Variants in ATG13 observed in about 807,000 individuals in gnomAD.
ATG13 encodes autophagy-related protein 13.
ATG13 carries 23 observed loss-of-function variants against 65.5 expected under a neutral mutation model. That is an observed-to-expected ratio of 0.35 (90% CI 0.25 to 0.50). ATG13 has a LOEUF of 0.50. ATG13 is among the 20% of genes least tolerant of loss of function. ATG13 has a pLI of 0.98. For missense variants in ATG13, 566 were observed against 677.0 expected (o/e 0.84, Z 1.82); for synonymous variants, 252 against 245.2 (o/e 1.03, Z -0.26).
chr11:46,667,267 G>A (rs964783054), intron 14 of ATG13, among the ~76,000 whole-genome samples: 1 of 152,178 alleles, frequency 6.6e-6, no homozygotes, highest in African/African-American at 2.4e-5. Context: ...GGCTGTGACT[G>A]CTGGTTTGGC....
chr11:46,647,686 C>G (rs931492430), intron 5 of ATG13, among the ~76,000 whole-genome samples: 4 of 151,802 alleles, frequency 2.6e-5, no homozygotes, highest in Non-Finnish European at 5.9e-5. Flanking sequence ...ATCCTCCCAC[C>G]TCAGCCTTTC....
chr11:46,668,883 C>G lies in ATG13; in HGVS notation c.1419C>G (p.Thr473=). ...CCAGCGGGGGCAGCAGTGGCAATAC[C>G]CATGATGACTTTGTTATGATAGACT... ...DGSSGGSSGN[T]HDDFVMIDFK... The change falls in exon 17 of 19, where the codon ACC becomes ACG. Residue 473 remains threonine, a synonymous_variant. Transcript: ENST00000683050. The G allele has an allele frequency of 6.2e-7, 1 of 1,613,820 alleles. No individual in the cohort carries two copies.
Position 46,656,261 on chromosome 11 carries a change from G to T in ATG13, c.487G>T (p.Gly163Cys). The change falls in exon 8 of 19, where the codon GGC becomes TGC. Residue 163 changes from glycine (G) to cysteine (C), a missense_variant. By Grantham distance (159) the Gly-to-Cys change is radical (BLOSUM62 -3). This residue lies in a region of ATG13 where 179 missense variants were observed against 267.2 expected (regional missense o/e 0.67). Coordinates refer to ENST00000683050, the MANE Select transcript of ATG13 (RefSeq NM_001346311.2). Reference protein sequence around the residue: ...RIYFGEVQLSGLGEGFQTVRV... With the variant: ...RIYFGEVQLSCLGEGFQTVRV... ...ATATTTTGGAGAAGTTCAGCTGAGT[G>T]GCTTAGGAGAAGGTATGTATCAACG... 1 of 1,612,868 alleles carries T rather than the reference G, an allele frequency of 6.2e-7. No individual in the cohort carries two copies. The highest frequency in any genetic ancestry group is 8.5e-7 in the Non-Finnish European group (1 of 1,178,924).
rs377219841 is a variant in ATG13 at position 46,645,381 on chromosome 11, T to G, written c.112T>G (p.Cys38Gly). The G allele has an allele frequency of 6.2e-6, 10 of 1,613,862 alleles. No individual in the cohort carries two copies. The highest frequency in any genetic ancestry group is 8.5e-6 in the Non-Finnish European group (10 of 1,179,976). ...CCAGGCTCGGCTTGGTGAAAAGATT[T>G]GCACTCGTTCATCATCTTCTCCAAC... ...IVQARLGEKICTRSSSSPTGS... is the reference protein window; with the variant it reads ...IVQARLGEKIGTRSSSSPTGS... The change falls in exon 4 of 19, where the codon TGC (cysteine) becomes GGC (glycine). Residue 38 changes from cysteine to glycine, a missense_variant. Physicochemically the swap from Cys to Gly is radical, Grantham distance 159. Coordinates refer to ENST00000683050, the MANE Select transcript of ATG13 (RefSeq NM_001346311.2).
At chr11:46,643,123 AC>A (rs2056573729) in intron 2 of ATG13, among the ~76,000 whole-genome samples, 1 of 151,912 alleles carries the variant, frequency 6.6e-6, no homozygotes, top group African/African-American at 2.4e-5. Context: ...GATACAGCTG[AC>A]CCCTGATTGG....
rs560595779 is a variant in ATG13, at chr11:46,661,895, G to A, written c.790-2102G>A. Among the ~76,000 whole-genome samples the A allele has an allele frequency of 5.3e-5, 8 of 152,310 alleles. No individual in the cohort carries two copies. In the South Asian group the frequency reaches 1.4e-3, roughly 28 times the overall value. On this transcript the variant is annotated intron_variant, in intron 11 of 18. Coordinates refer to ENST00000683050, the MANE Select transcript of ATG13 (RefSeq NM_001346311.2). ...TTCAAAAGCAGGAGTTAATGTCTGT[G>A]ATTGATGTTGTAGAATCCATGGATC...
chr11:46,671,113 C>T (rs562761469), intron 18 of ATG13, among the ~76,000 whole-genome samples: 34 of 152,298 alleles, frequency 2.2e-4, no homozygotes, highest in Non-Finnish European at 4.4e-4. Flanking sequence ...ATGCCACAGC[C>T]GTAGCCAGTT....
intron 2 of ATG13, among the ~76,000 whole-genome samples, chr11:46,634,254 C>T (rs1035306296): frequency 6.6e-6 from 1 of 152,030 alleles, no homozygotes; most frequent in African/African-American, 2.4e-5. Flanking sequence ...CACCGCCACA[C>T]CCAGCTAACG....
intron 12 of ATG13, among the ~76,000 whole-genome samples, chr11:46,664,618 G>C (rs1051668462): frequency 1.3e-5 from 2 of 152,166 alleles, no homozygotes; most frequent in African/African-American, 4.8e-5. Context: ...AGGCCTTTGG[G>C]AAGCTCCACA....
chr11:46,667,708 T>A, intron 14 of ATG13, 65 bp from the exon 15 acceptor site: 1 of 1,295,766 alleles, frequency 7.7e-7, no homozygotes, highest in Non-Finnish European at 1.1e-6. Flanking sequence ...ATGGTGTATT[T>A]ATAGTGAACT....
intron 2 of ATG13, 73 bp from the exon 3 acceptor site, chr11:46,644,206 A>G: frequency 1.7e-6 from 2 of 1,162,720 alleles, no homozygotes; most frequent in South Asian, 3.2e-5. Context: ...AGACAATACC[A>G]TCTCTGTATG....
chr11:46,663,665 C>A (rs1429912496), intron 11 of ATG13, among the ~76,000 whole-genome samples: 1 of 152,174 alleles, frequency 6.6e-6, no homozygotes, highest in Non-Finnish European at 1.5e-5. Context: ...GACTTCCTGT[C>A]TTTTTTGAGT....
At chr11:46,634,586 G>A (rs954307048) in intron 2 of ATG13, among the ~76,000 whole-genome samples, 1 of 151,782 alleles carries the variant, frequency 6.6e-6, no homozygotes, top group African/African-American at 2.4e-5. Context: ...GTAGAGACAG[G>A]GTTTTACCAT....
chr11:46,633,486 T>A (rs945076989), intron 2 of ATG13, among the ~76,000 whole-genome samples: 1 of 151,966 alleles, frequency 6.6e-6, no homozygotes, highest in African/African-American at 2.4e-5. Context: ...TAGCTGGGAT[T>A]ACAGGCGCCC....
Position 46,644,424 on chromosome 11 carries a change from C to T in ATG13, c.69+64C>T, listed in dbSNP as rs376775323. 1.4e-4 allele frequency: 197 copies of T among 1,366,656 alleles called. No homozygotes were observed. In the African/African-American group the frequency reaches 1.9e-3, roughly 14 times the overall value. The allele number at this position is 1,366,656 out of a possible 1,614,324, so 84.7% of individuals were successfully genotyped here. On this transcript the variant is annotated intron_variant, in intron 3 of 18. Transcript: ENST00000683050. ...ATAACTTCCGTGCTTCTCCCTTTTG[C>T]GAACAACTCTCTTTGGAAAGTAGCA... is the stretch of plus-strand genomic sequence containing the variant.
chr11:46,661,983 G>A (rs2061319523), intron 11 of ATG13, among the ~76,000 whole-genome samples: 2 of 152,196 alleles, frequency 1.3e-5, no homozygotes, highest in South Asian at 4.1e-4. Flanking sequence ...AAAGTTGCCA[G>A]AACAGTTTAG....
intron 2 of ATG13, among the ~76,000 whole-genome samples, chr11:46,641,378 AT>A (rs1326380146): frequency 6.6e-6 from 1 of 152,164 alleles, no homozygotes. Flanking sequence ...CCTAGAATTT[AT>A]TTTTAATATT....
intron 2 of ATG13, among the ~76,000 whole-genome samples, chr11:46,637,054 AT>A (rs2054229042): frequency 6.6e-6 from 1 of 152,156 alleles, no homozygotes; most frequent in African/African-American, 2.4e-5. Context: ...CAAACTGCAG[AT>A]TAAGGATCAG....
rs907523247 is a variant in ATG13, at chr11:46,672,856, C to G, written c.*524C>G. The stretch of plus-strand genomic sequence containing the variant: ...CCCCTTTACTTCCTGCTATCTTCTT[C>G]TCCTCTTCTTCTCTCTCTTGCCTCT... On this transcript the variant is annotated 3_prime_UTR_variant, in exon 19 of 19. Transcript: ENST00000683050. The G allele has an allele frequency of 4.3e-6, 5 of 1,166,268 alleles. No homozygotes were observed. Among genetic ancestry groups the G allele is most frequent in the Non-Finnish European group, 5.5e-6 (5 of 906,076 alleles). 72.2% of individuals were successfully genotyped at this position (1,166,268 alleles called of 1,614,324 possible). A position where few individuals can be genotyped will look rare whatever the true frequency, so the allele number is the denominator to read the frequency against.
Sources: gnomAD v4.1 joint callset for allele counts (sites outside exome capture counted in the v4.1 genomes callset) on GRCh38, gnomAD v4.1.1 for gene constraint, gnomAD v4.1.1 regional missense constraint, MANE v1.5 for transcripts, NCBI Gene and HGNC (gene_info 2026-07-23, HGNC 2026-07-21) for gene names.